Variants in RNF38 observed in about 807,000 individuals in gnomAD.
RNF38 encodes E3 ubiquitin-protein ligase RNF38.
In RNF38, 15 loss-of-function variants were observed where a neutral mutation model predicts 67.2. That is an observed-to-expected ratio of 0.22 (90% CI 0.15 to 0.34). The LOEUF (loss-of-function observed/expected upper bound fraction) is 0.34. RNF38 is among the 10% of genes least tolerant of loss of function. The pLI is 1.00. For missense variants in RNF38, 524 were observed against 639.9 expected (o/e 0.82, Z 1.95); for synonymous variants, 220 against 218.8 (o/e 1.01, Z -0.05).
At chr9:36,487,564 G>C (rs1434932135), upstream of RNF38, 4 of 976,928 alleles carry the variant, frequency 4.1e-6, no homozygotes, top group Non-Finnish European at 3.6e-6. Context: ...CGCTCATGGC[G>C]GGGCCGCGAG....
At chr9:36,359,707 A>C (rs1276572010) in intron 4 of RNF38, among the ~76,000 whole-genome samples, 2 of 150,232 alleles carry the variant, frequency 1.3e-5, no homozygotes, top group Non-Finnish European at 3.0e-5. Context: ...TAAATATGTT[A>C]TTTTACAAAG....
At chr9:36,343,677 T>C (rs10758369) in intron 10 of RNF38, among the ~76,000 whole-genome samples, 146,281 of 152,184 alleles carry the variant, frequency 0.96, 70,546 homozygotes, top group East Asian at 1. Context: ...TGTCCATCCA[T>C]CGACGAAAAA....
intron 6 of RNF38, 74 bp downstream of exon 6, chr9:36,356,229 T>C (rs1834096116): frequency 5.7e-6 from 8 of 1,411,722 alleles, no homozygotes; most frequent in Non-Finnish European, 6.9e-6. Context: ...GTTATATACC[T>C]GGCCTAAACA....
chr9:36,381,858 C>A (rs1157805578), intron 2 of RNF38, among the ~76,000 whole-genome samples: 1 of 152,214 alleles, frequency 6.6e-6, no homozygotes, highest in Non-Finnish European at 1.5e-5. Context: ...GTTTCCCAGA[C>A]CATGGTCACT....
chr9:36,458,940 G>A (rs370602567), intron 1 of RNF38, among the ~76,000 whole-genome samples: 2 of 152,082 alleles, frequency 1.3e-5, no homozygotes, highest in Non-Finnish European at 2.9e-5. Flanking sequence ...GGCTGGACGC[G>A]GTGGATCACC....
chr9:36,443,534 C>G (rs1343522137), intron 1 of RNF38, among the ~76,000 whole-genome samples: 2 of 152,100 alleles, frequency 1.3e-5, no homozygotes, highest in Non-Finnish European at 2.9e-5. Context: ...TGTTGGGACA[C>G]AGAAGACTCA....
At chr9:36,470,521 C>T (rs1839972407) in intron 1 of RNF38, among the ~76,000 whole-genome samples, 1 of 152,176 alleles carries the variant, frequency 6.6e-6, no homozygotes, top group African/African-American at 2.4e-5. Flanking sequence ...AGAAAGCACA[C>T]AACTACCATT....
In RNF38 at chr9:36,342,432, A is replaced by G; in HGVS notation, c.1386-8T>C. On this transcript the variant is annotated splice_polypyrimidine_tract_variant and splice_region_variant and intron_variant, in intron 10 of 11. Coordinates refer to ENST00000259605, the MANE Select transcript of RNF38 (RefSeq NM_022781.5). ...CACATGCATACTACACACCTAAAAAAAGCAAAAAGATCATTTAACCACAAA... is the reference window on the plus strand; with the variant it reads ...CACATGCATACTACACACCTAAAAAGAGCAAAAAGATCATTTAACCACAAA... 1 of 1,577,074 alleles carries G rather than the reference A, an allele frequency of 6.3e-7. No homozygotes were observed. The highest frequency in any genetic ancestry group is 8.7e-7 in the Non-Finnish European group (1 of 1,146,372).
At chr9:36,427,793 C>T (rs1303849858) in intron 1 of RNF38, among the ~76,000 whole-genome samples, 4 of 151,862 alleles carry the variant, frequency 2.6e-5, no homozygotes, top group South Asian at 4.2e-4. Flanking sequence ...TCACTGCAAC[C>T]TCCACCTCCC....
At chr9:36,394,183 G>A (rs983499068) in intron 1 of RNF38, among the ~76,000 whole-genome samples, 2 of 152,134 alleles carry the variant, frequency 1.3e-5, no homozygotes, top group Admixed American at 6.5e-5. Flanking sequence ...GCTGAGGCAG[G>A]AGAATCACTT....
intron 1 of RNF38, among the ~76,000 whole-genome samples, chr9:36,427,562 C>T (rs1838803866): frequency 6.6e-6 from 1 of 152,074 alleles, no homozygotes; most frequent in Non-Finnish European, 1.5e-5. Context: ...CACCCTTTTG[C>T]CTTGTGAGGA....
intron 6 of RNF38, among the ~76,000 whole-genome samples, chr9:36,356,092 C>T (rs1834083857): frequency 6.6e-6 from 1 of 152,140 alleles, no homozygotes; most frequent in South Asian, 2.1e-4. Context: ...GGTGATCTGC[C>T]TGCCTCGACC....
intron 1 of RNF38, among the ~76,000 whole-genome samples, chr9:36,398,814 T>C (rs1837750176): frequency 6.6e-6 from 1 of 152,114 alleles, no homozygotes; most frequent in South Asian, 2.1e-4. Flanking sequence ...AAACTAGAGG[T>C]AGTACAGAGA....
intron 2 of RNF38, among the ~76,000 whole-genome samples, chr9:36,390,036 AAAG>A (rs1836953117): frequency 6.6e-6 from 1 of 152,224 alleles, no homozygotes; most frequent in South Asian, 2.1e-4. Flanking sequence ...CCCACAGGTA[AAAG>A]AAGACAAGTA....
chr9:36,477,955 C>T (rs2134440033), intron 1 of RNF38, among the ~76,000 whole-genome samples: 1 of 151,996 alleles, frequency 6.6e-6, no homozygotes, highest in Admixed American at 6.6e-5. Context: ...ATTACCACTG[C>T]CACTGCACTC....
rs185011402 is a variant in RNF38, at chr9:36,358,063, T to C, written c.571-121A>G. On this transcript the variant is annotated intron_variant, in intron 4 of 11. Transcript: ENST00000259605. The stretch of plus-strand genomic sequence containing the variant: ...AGCTACACGGATTTTCACAATGTAC[T>C]CTCCAATAGTTTCGACCAGAATATT... 132 of 712,840 alleles carry C rather than the reference T, an allele frequency of 1.9e-4. No individual in the cohort carries two copies. The African/African-American group carries it at 2.2e-3, about 12-fold the overall frequency. The allele number at this position is 712,840 out of a possible 1,614,324, so 44.2% of individuals were successfully genotyped here. A position where few individuals can be genotyped will look rare whatever the true frequency, so the allele number is the denominator to read the frequency against.
intron 1 of RNF38, among the ~76,000 whole-genome samples, chr9:36,470,430 T>C (rs891119741): frequency 1.3e-5 from 2 of 152,192 alleles, no homozygotes; most frequent in Non-Finnish European, 2.9e-5. Flanking sequence ...TCTCTTTGAA[T>C]ATGAATCTAT....
intron 3 of RNF38, 139 bp from the exon 4 acceptor site, chr9:36,370,071 C>G: frequency 3.0e-6 from 2 of 677,344 alleles, no homozygotes; most frequent in Non-Finnish European, 2.4e-6. Flanking sequence ...TCCCCATCAG[C>G]TCTAAAAACT....
At chr9:36,487,549 G>A, upstream of RNF38, 4 of 977,050 alleles carry the variant, frequency 4.1e-6, no homozygotes, top group South Asian at 4.5e-5. Flanking sequence ...CGGCGGCCGC[G>A]CTTCCGCTCA....
Sources: allele counts gnomAD v4.1 joint callset (sites outside exome capture counted in the v4.1 genomes callset), GRCh38; gene constraint gnomAD v4.1.1; transcripts MANE v1.5; gene names NCBI Gene and HGNC (gene_info 2026-07-23, HGNC 2026-07-21).